The following TBC1D22A variants were observed in gnomAD, a reference collection of about 807,000 sequenced individuals.
TBC1D22A encodes putative GTPase activator.
A neutral mutation model predicts 60.2 loss-of-function variants in TBC1D22A; 38 were observed. The ratio of observed to expected loss-of-function variants is 0.63; its 90% CI spans 0.49 to 0.83. The LOEUF is 0.83. Ranked by LOEUF, TBC1D22A falls within the 40% of genes least tolerant of loss-of-function variation. TBC1D22A has a pLI of 0.00. For missense variants in TBC1D22A, 628 were observed against 701.0 expected (o/e 0.90, Z 1.18); for synonymous variants, 302 against 281.7 (o/e 1.07, Z -0.72).
chr22:47,079,307 G>A (rs2064361131), intron 11 of TBC1D22A, among the ~76,000 whole-genome samples: 1 of 152,030 alleles, frequency 6.6e-6, no homozygotes, highest in Admixed American at 6.5e-5. Context: ...GGCTGGTGTT[G>A]AACTCCTGAC....
At chr22:46,918,750 A>C (rs1321454956) in intron 8 of TBC1D22A, among the ~76,000 whole-genome samples, 2 of 152,214 alleles carry the variant, frequency 1.3e-5, no homozygotes, top group African/African-American at 4.8e-5. Flanking sequence ...CTCCCTCAGA[A>C]ATGGGGGCCT....
chr22:46,971,401 G>T (rs958336496), intron 8 of TBC1D22A, among the ~76,000 whole-genome samples: 13 of 152,206 alleles, frequency 8.5e-5, no homozygotes, highest in Admixed American at 2.0e-4. Flanking sequence ...ATGCTTGGAA[G>T]GCCCTTGAAA....
chr22:46,801,898 A>G (rs1426118062), intron 4 of TBC1D22A, among the ~76,000 whole-genome samples: 1 of 152,210 alleles, frequency 6.6e-6, no homozygotes, highest in Non-Finnish European at 1.5e-5. Context: ...GGGCATGAAC[A>G]GAAGTTTGGA....
chr22:46,868,923 CTG>C (rs2147411975), intron 4 of TBC1D22A, among the ~76,000 whole-genome samples: 1 of 129,430 alleles, frequency 7.7e-6, no homozygotes, highest in South Asian at 2.4e-4. Flanking sequence ...GGGGAGCTCA[CTG>C]TGTGGGTAGG....
chr22:47,012,993 C>G (rs999856197), intron 10 of TBC1D22A, among the ~76,000 whole-genome samples: 1 of 152,226 alleles, frequency 6.6e-6, no homozygotes, highest in Non-Finnish European at 1.5e-5. Flanking sequence ...CCATCGTGCT[C>G]CAGTTACAGC....
intron 8 of TBC1D22A, among the ~76,000 whole-genome samples, chr22:46,963,716 C>T (rs911565401): frequency 6.6e-6 from 1 of 152,230 alleles, no homozygotes; most frequent in African/African-American, 2.4e-5. Context: ...GGTCTTTGGG[C>T]TGAGCAGGCT....
At chr22:46,819,628 A>C (rs139287273) in intron 4 of TBC1D22A, among the ~76,000 whole-genome samples, 11,213 of 152,254 alleles carry the variant, frequency 0.074, 582 homozygotes, top group Non-Finnish European at 0.11. Flanking sequence ...GTGCTGCTGG[A>C]TTTGGTTCGC....
intron 12 of TBC1D22A, among the ~76,000 whole-genome samples, chr22:47,172,380 G>A (rs2068516981): frequency 6.6e-6 from 1 of 152,234 alleles, no homozygotes; most frequent in South Asian, 2.1e-4. Context: ...TGCAATAAAT[G>A]CTGTGACTGG....
intron 11 of TBC1D22A, among the ~76,000 whole-genome samples, chr22:47,092,464 C>A (rs1036710726): frequency 6.6e-6 from 1 of 152,042 alleles, no homozygotes; most frequent in African/African-American, 2.4e-5. Flanking sequence ...ACGAGGATGC[C>A]CAGGAGTGGA....
In TBC1D22A at chr22:46,930,029, G is replaced by A. The variant is rs182527933; in HGVS notation, c.1015+17841G>A. Among the ~76,000 whole-genome samples the A allele has an allele frequency of 1.1e-4, 16 of 152,264 alleles. No individual in the cohort carries two copies. In the East Asian group the frequency reaches 2.1e-3, roughly 20 times the overall value. On this transcript the variant is annotated intron_variant, in intron 8 of 12. Coordinates refer to ENST00000337137, the MANE Select transcript of TBC1D22A (RefSeq NM_014346.5). ...GCAAGTCCCTGATGTACTTTATGCAGAGGACGATGTTAGCATTCCTTGTAA... is the reference window on the plus strand; with the variant it reads ...GCAAGTCCCTGATGTACTTTATGCAAAGGACGATGTTAGCATTCCTTGTAA...
At chr22:46,915,723 G>C in intron 8 of TBC1D22A, 1 of 456,704 alleles carries the variant, frequency 2.2e-6, no homozygotes, top group Non-Finnish European at 4.4e-6. Flanking sequence ...TGGGAGCTGG[G>C]CTCTTTCTGG....
At chr22:46,782,041 G>A (rs943905363) in intron 1 of TBC1D22A, among the ~76,000 whole-genome samples, 3 of 152,222 alleles carry the variant, frequency 2.0e-5, no homozygotes, top group Non-Finnish European at 4.4e-5. Flanking sequence ...GGTGGGACAA[G>A]TGGACTTGGA....
intron 9 of TBC1D22A, among the ~76,000 whole-genome samples, chr22:46,975,355 A>G (rs957123987): frequency 2.0e-5 from 3 of 152,154 alleles, no homozygotes; most frequent in African/African-American, 7.2e-5. Flanking sequence ...TACAGGGGAC[A>G]GTGAATTTTG....
chr22:46,830,481 G>T (rs1422655411), intron 4 of TBC1D22A, among the ~76,000 whole-genome samples: 1 of 152,202 alleles, frequency 6.6e-6, no homozygotes, highest in Non-Finnish European at 1.5e-5. Flanking sequence ...CCTCATTCCA[G>T]CCCTGGCTGG....
At chr22:46,908,420 C>T (rs1257879245) in intron 7 of TBC1D22A, among the ~76,000 whole-genome samples, 5 of 152,170 alleles carry the variant, frequency 3.3e-5, no homozygotes, top group African/African-American at 1.2e-4. Flanking sequence ...CTCCACGGGA[C>T]ACCCACTTTT....
intron 8 of TBC1D22A, among the ~76,000 whole-genome samples, chr22:46,917,312 C>T (rs942065694): frequency 2.0e-5 from 3 of 152,144 alleles, no homozygotes; most frequent in African/African-American, 7.2e-5. Context: ...GGTCTAGAGA[C>T]ACTGAGGGGT....
chr22:46,909,747 G>GT (rs1289898745), intron 7 of TBC1D22A, among the ~76,000 whole-genome samples: 2 of 152,188 alleles, frequency 1.3e-5, no homozygotes, highest in African/African-American at 4.8e-5. Context: ...TTGCTGGTGA[G>GT]TGGACCTAAG....
chr22:47,127,614 A>G (rs1237378637), intron 12 of TBC1D22A, among the ~76,000 whole-genome samples: 5 of 152,000 alleles, frequency 3.3e-5, no homozygotes, highest in South Asian at 2.1e-4. Flanking sequence ...ACCTGTGGCC[A>G]GCTTGCTCTT....
At chr22:47,055,709 G>C (rs1003098781) in intron 11 of TBC1D22A, among the ~76,000 whole-genome samples, 2 of 152,060 alleles carry the variant, frequency 1.3e-5, no homozygotes, top group African/African-American at 2.4e-5. Flanking sequence ...TAGGAGGCTG[G>C]GGAGGAGCTG....
Sources: gnomAD v4.1 joint callset for allele counts (sites outside exome capture counted in the v4.1 genomes callset) on GRCh38, gnomAD v4.1.1 for gene constraint, MANE v1.5 for transcripts, NCBI Gene and HGNC (gene_info 2026-07-23, HGNC 2026-07-21) for gene names.